Variants in VPS8 observed in about 807,000 individuals in gnomAD.
VPS8 encodes the protein VPS8 subunit of CORVET complex.
VPS8 carries 129 observed loss-of-function variants against 216.4 expected under a neutral mutation model. That is an observed-to-expected ratio of 0.60 (90% CI 0.52 to 0.69). The LOEUF (loss-of-function observed/expected upper bound fraction) is 0.69, where lower values mean the gene tolerates loss of function less well. Among genes scored for constraint, VPS8 ranks in the 30% least tolerant of loss-of-function variants. VPS8 has a pLI of 0.00. For missense variants in VPS8, 1,531 were observed against 1,683.5 expected, an observed-to-expected ratio of 0.91 and a Z score of 1.59; for synonymous variants, 571 against 565.4, an observed-to-expected ratio of 1.01 and a Z score of -0.14.
intron 36 of VPS8, among the ~76,000 whole-genome samples, chr3:184,950,329 C>G (rs1169170425): frequency 7.2e-6 from 1 of 138,054 alleles, no homozygotes; most frequent in Admixed American, 7.9e-5. Context: ...CATCTAAGGA[C>G]TGGATATATG....
chr3:185,012,882 A>G (rs1755222468), intron 45 of VPS8, among the ~76,000 whole-genome samples: 1 of 152,104 alleles, frequency 6.6e-6, no homozygotes, highest in South Asian at 2.1e-4. Context: ...TGAGATCCTC[A>G]AACAGAGATT....
intron 42 of VPS8, among the ~76,000 whole-genome samples, chr3:184,991,164 A>G (rs1437639917): frequency 1.3e-5 from 2 of 152,216 alleles, no homozygotes; most frequent in African/African-American, 2.4e-5. Flanking sequence ...AAACACCCAC[A>G]TACATGATAC....
chr3:184,953,903 G>A (rs1310089503), intron 36 of VPS8, among the ~76,000 whole-genome samples: 1 of 152,134 alleles, frequency 6.6e-6, no homozygotes, highest in Non-Finnish European at 1.5e-5. Flanking sequence ...GTTGGTTGGG[G>A]AGCTTAGGAT....
At chr3:185,023,117 A>G (rs1383591857) in intron 45 of VPS8, among the ~76,000 whole-genome samples, 1 of 152,224 alleles carries the variant, frequency 6.6e-6, no homozygotes, top group Non-Finnish European at 1.5e-5. Flanking sequence ...AATTTACTTA[A>G]TCCCTCTCTC....
intron 24 of VPS8, 23 bp from the exon 25 acceptor site, chr3:184,900,897 GT>G: frequency 6.3e-7 from 1 of 1,587,092 alleles, no homozygotes. Flanking sequence ...GATGATGATT[GT>G]TTTCCTATTA....
At chr3:184,865,513 T>G (rs1026709045) in intron 16 of VPS8, among the ~76,000 whole-genome samples, 2 of 152,058 alleles carry the variant, frequency 1.3e-5, no homozygotes, top group African/African-American at 4.8e-5. Context: ...CATTAGGTAT[T>G]AGGGAAATGC....
In VPS8 at chr3:184,926,652, T is replaced by C. The variant is rs866771656; in HGVS notation, c.2631+2T>C. 6.2e-7 allele frequency: 1 copy of C among 1,600,068 alleles called. No individual in the cohort carries two copies. Among genetic ancestry groups the C allele is most frequent in the Non-Finnish European group, 8.5e-7 (1 of 1,173,048 alleles). On this transcript the variant is annotated splice_donor_variant, in intron 31 of 47. Coordinates refer to ENST00000625842, the MANE Select transcript of VPS8 (RefSeq NM_001009921.3). LOFTEE classifies it high-confidence loss of function. ...TCCCGACACTCTGAAAGACAGCAGG[T>C]ATGAACTACTAGAACTCTTTTTGCT...
At chr3:184,949,549 T>C (rs1198335621) in intron 36 of VPS8, among the ~76,000 whole-genome samples, 1 of 152,114 alleles carries the variant, frequency 6.6e-6, no homozygotes, top group Non-Finnish European at 1.5e-5. Context: ...CGTGGCGGTC[T>C]TGGTGGGGAG....
chr3:184,893,410 C>T, intron 22 of VPS8: 1 of 1,022,014 alleles, frequency 9.8e-7, no homozygotes, highest in Non-Finnish European at 1.2e-6. Context: ...ATAATCTCAA[C>T]AGGTAAATAA....
At chr3:184,985,305 C>T (rs1227171116) in intron 42 of VPS8, among the ~76,000 whole-genome samples, 1 of 152,166 alleles carries the variant, frequency 6.6e-6, no homozygotes, top group Non-Finnish European at 1.5e-5. Context: ...CTAAGTCTCT[C>T]ACTTCCTAAT....
chr3:184,972,402 A>C (rs1393774011), intron 40 of VPS8, among the ~76,000 whole-genome samples: 3 of 152,184 alleles, frequency 2.0e-5, no homozygotes, highest in African/African-American at 7.2e-5. Context: ...CCCTGTGGTG[A>C]AAGTAGGCAT....
In VPS8 at chr3:184,936,309, A is replaced by G. The variant is rs952260242; in HGVS notation, c.2962A>G (p.Ile988Val). The G allele has an allele frequency of 1.2e-6, 2 of 1,611,716 alleles. No individual in the cohort carries two copies. Among genetic ancestry groups the G allele is most frequent in the Non-Finnish European group, 1.7e-6 (2 of 1,178,924 alleles). ...ELVATHFSGH[I>V]ETVIKKLQNQ... ...GGTTGCCACCCACTTTTCTGGACATATTGAAACGGTCATTAAAAAACTTCA... is the reference window on the plus strand; with the variant it reads ...GGTTGCCACCCACTTTTCTGGACATGTTGAAACGGTCATTAAAAAACTTCA... The change falls in exon 35 of 48, where the codon ATT (isoleucine) becomes GTT (valine). Residue 988 changes from isoleucine to valine, a missense_variant. Coordinates refer to ENST00000625842, the MANE Select transcript of VPS8 (RefSeq NM_001009921.3).
chr3:184,936,328 A>C lies in VPS8; in HGVS notation c.2981A>C (p.Lys994Thr), dbSNP rs1426775503. ...FSGHIETVIK[K>T]LQNQVLLFKF... The stretch of plus-strand genomic sequence containing the variant: ...GGACATATTGAAACGGTCATTAAAA[A>C]ACTTCAGGTACATATTGCAAATATA... Residue 994 changes from lysine to threonine, a missense_variant, in exon 35 of 48, where the codon AAA becomes ACA. By Grantham distance (78) the Lys-to-Thr change is moderately conservative. Around this residue, in one of 3 missense-constraint regions of VPS8, gnomAD observed 1,318 missense variants for 1,468.4 expected, o/e 0.90. Transcript: ENST00000625842. 5 of 1,608,550 alleles carry C rather than the reference A, an allele frequency of 3.1e-6. No homozygotes were observed. The highest frequency in any genetic ancestry group is 4.2e-6 in the Non-Finnish European group (5 of 1,177,278).
At chr3:184,813,383 A>G (rs2108446336) in intron 1 of VPS8, among the ~76,000 whole-genome samples, 1 of 152,278 alleles carries the variant, frequency 6.6e-6, no homozygotes, top group South Asian at 2.1e-4. Context: ...GGAGACAATT[A>G]CATGTTAATT....
intron 5 of VPS8, chr3:184,834,954 G>A: frequency 2.3e-6 from 1 of 440,714 alleles, no homozygotes; most frequent in East Asian, 3.5e-5. Context: ...ATAAAGTTCT[G>A]CTCAGAGTCT....
At chr3:184,878,866 T>C (rs1729768321) in intron 21 of VPS8, among the ~76,000 whole-genome samples, 1 of 152,184 alleles carries the variant, frequency 6.6e-6, no homozygotes, top group African/African-American at 2.4e-5. Flanking sequence ...CTAGCTCTGG[T>C]AGCCTGTGGA....
intron 21 of VPS8, among the ~76,000 whole-genome samples, chr3:184,880,116 AT>A (rs1730019314): frequency 6.6e-6 from 1 of 152,010 alleles, no homozygotes; most frequent in African/African-American, 2.4e-5. Flanking sequence ...ATATTTGTAA[AT>A]TCATACTCAG....
Position 184,868,007 on chromosome 3 carries a change from A to G in VPS8, c.1471-17A>G. 5.0e-6 allele frequency: 8 copies of G among 1,612,476 alleles called. No individual in the cohort carries two copies. Among genetic ancestry groups the G allele is most frequent in the Non-Finnish European group, 6.8e-6 (8 of 1,179,568 alleles). On this transcript the variant is annotated splice_polypyrimidine_tract_variant and intron_variant, in intron 17 of 47. Transcript: ENST00000625842. ...GTTAAGGGTGATCATTTTAATTTCC[A>G]TCTCTTTACTTTCCAGTCTGTTTAT...
chr3:184,986,583 A>G (rs756092633), intron 42 of VPS8, among the ~76,000 whole-genome samples: 11 of 152,240 alleles, frequency 7.2e-5, no homozygotes, highest in Admixed American at 2.6e-4. Flanking sequence ...CATGAAGGAG[A>G]CAGAGGTTCA....
Sources: allele counts gnomAD v4.1 joint callset (sites outside exome capture counted in the v4.1 genomes callset), GRCh38; gene constraint gnomAD v4.1.1; regional missense constraint gnomAD v4.1.1; transcripts MANE v1.5; gene names NCBI Gene and HGNC (gene_info 2026-07-23, HGNC 2026-07-21).